TGFB2: variants seen among roughly 807,000 people sequenced by gnomAD.
The protein encoded by TGFB2 is transforming growth factor beta-2 proprotein.
A neutral mutation model predicts 42.7 loss-of-function variants in TGFB2; 13 were observed. The ratio of observed to expected loss-of-function variants is 0.30; its 90% confidence interval spans 0.20 to 0.48. TGFB2 has a LOEUF of 0.48. TGFB2 is among the 20% of genes least tolerant of loss of function. The probability of loss-of-function intolerance (pLI) is 0.99; values close to 1 mark genes in which losing one functional copy is unlikely to be tolerated. For missense variants in TGFB2, 390 were observed against 517.5 expected (o/e 0.75, Z 2.39); for synonymous variants, 193 against 193.6 (o/e 1.00, Z 0.03).
At chr1:218,408,988 T>C (rs1384558491) in intron 2 of TGFB2, among the ~76,000 whole-genome samples, 1 of 152,200 alleles carries the variant, frequency 6.6e-6, no homozygotes, top group Non-Finnish European at 1.5e-5. Context: ...GGAGACAGTG[T>C]CCGATCATCA....
chr1:218,381,246 G>GTTTTTTTTTTTTTTTTTTTTTTTTTTT (rs1254161258), intron 1 of TGFB2, among the ~76,000 whole-genome samples: 1 of 131,044 alleles, frequency 7.6e-6, no homozygotes, highest in African/African-American at 2.7e-5. Context: ...GCACATTTTT[G>GTTTTTTTTTTTTTTTTTTTTTTTTTTT]TTTTTGTTTT....
chr1:218,433,436 A>AC (rs1558261846), intron 2 of TGFB2, among the ~76,000 whole-genome samples: 1 of 152,196 alleles, frequency 6.6e-6, no homozygotes, highest in Admixed American at 6.5e-5. Flanking sequence ...TATGCACCAT[A>AC]CCAAACTACT....
chr1:218,412,353 C>T (rs1303616622), intron 2 of TGFB2, among the ~76,000 whole-genome samples: 1 of 152,194 alleles, frequency 6.6e-6, no homozygotes, highest in Non-Finnish European at 1.5e-5. Flanking sequence ...CATGTAATTC[C>T]AAGGAACTGA....
intron 1 of TGFB2, among the ~76,000 whole-genome samples, chr1:218,391,652 C>A (rs1290471214): frequency 1.3e-5 from 2 of 152,090 alleles, no homozygotes; most frequent in African/African-American, 2.4e-5. Context: ...AATAAGTATA[C>A]CCTGAATAGG....
intron 2 of TGFB2, among the ~76,000 whole-genome samples, chr1:218,431,479 G>T (rs995618227): frequency 6.6e-6 from 1 of 152,142 alleles, no homozygotes; most frequent in African/African-American, 2.4e-5. Context: ...AGTGAAACTG[G>T]ACATATATAT....
At chr1:218,391,555 G>A (rs1658317093) in intron 1 of TGFB2, among the ~76,000 whole-genome samples, 1 of 152,176 alleles carries the variant, frequency 6.6e-6, no homozygotes, top group Non-Finnish European at 1.5e-5. Flanking sequence ...ACTGTGCCCT[G>A]CAGTATCATT....
At chr1:218,381,380 T>C (rs927119482) in intron 1 of TGFB2, among the ~76,000 whole-genome samples, 1 of 151,448 alleles carries the variant, frequency 6.6e-6, no homozygotes, top group Non-Finnish European at 1.5e-5. Flanking sequence ...CTCAGCCTCC[T>C]GAGTAGGTGG....
At chr1:218,384,489 T>C (rs1658065821) in intron 1 of TGFB2, among the ~76,000 whole-genome samples, 1 of 152,264 alleles carries the variant, frequency 6.6e-6, no homozygotes, top group East Asian at 1.9e-4. Flanking sequence ...GTACCACTTA[T>C]TAGCTGTGTG....
At chr1:218,372,076 A>G (rs1048925062) in intron 1 of TGFB2, among the ~76,000 whole-genome samples, 4 of 152,038 alleles carry the variant, frequency 2.6e-5, no homozygotes, top group African/African-American at 9.7e-5. Context: ...CAAGTTCATA[A>G]ATAATTATCT....
Position 218,425,732 on chromosome 1 carries a change from A to G in TGFB2, c.511-8350A>G, listed in dbSNP as rs542051771. On this transcript the variant is annotated intron_variant, in intron 2 of 6. Coordinates refer to ENST00000366930, the MANE Select transcript of TGFB2 (RefSeq NM_003238.6). ...ACAATATGGATTGTCCAAAAGGGGG[A>G]CGACCTTTCTCATTAAATAGTGAGT... 3.9e-5 allele frequency among the ~76,000 whole-genome samples: 6 copies of G among 152,326 alleles called. No homozygotes were observed. In the South Asian group the frequency reaches 1.2e-3, roughly 32 times the overall value.
chr1:218,403,818 G>A (rs1459141230), intron 1 of TGFB2, among the ~76,000 whole-genome samples: 1 of 152,164 alleles, frequency 6.6e-6, no homozygotes, highest in Non-Finnish European at 1.5e-5. Flanking sequence ...GATAATTGAA[G>A]AGTGGGTAGA....
At chr1:218,435,724 C>T (rs981173066) in intron 4 of TGFB2, among the ~76,000 whole-genome samples, 3 of 152,216 alleles carry the variant, frequency 2.0e-5, no homozygotes, top group Non-Finnish European at 2.9e-5. Context: ...TCATAACCAA[C>T]AGCCCTGGCT....
intron 1 of TGFB2, among the ~76,000 whole-genome samples, chr1:218,380,985 T>A (rs534151441): frequency 1.3e-5 from 2 of 152,318 alleles, no homozygotes; most frequent in Non-Finnish European, 2.9e-5. Flanking sequence ...ATGGGAAAAG[T>A]GCAGCTGAGA....
At chr1:218,394,628 CCTCTCGGA>C (rs1255551177) in intron 1 of TGFB2, among the ~76,000 whole-genome samples, 2 of 152,170 alleles carry the variant, frequency 1.3e-5, no homozygotes. Flanking sequence ...ATATCATCCC[CCTCTCGGA>C]GACTCTGTCT....
At chr1:218,407,646 C>A (rs1658957500) in intron 2 of TGFB2, among the ~76,000 whole-genome samples, 1 of 152,178 alleles carries the variant, frequency 6.6e-6, no homozygotes, top group South Asian at 2.1e-4. Context: ...ATTCTTTCTG[C>A]TATTATATTC....
intron 2 of TGFB2, among the ~76,000 whole-genome samples, chr1:218,432,104 G>A (rs1659825778): frequency 6.6e-6 from 1 of 152,304 alleles, no homozygotes; most frequent in South Asian, 2.1e-4. Flanking sequence ...CAGCACTGAA[G>A]TGGGAAAATG....
intron 5 of TGFB2, among the ~76,000 whole-genome samples, chr1:218,437,070 G>A (rs1010037295): frequency 6.6e-6 from 1 of 152,300 alleles, no homozygotes; most frequent in South Asian, 2.1e-4. Flanking sequence ...GAAGGTAAAT[G>A]TATGATTTTC....
intron 1 of TGFB2, among the ~76,000 whole-genome samples, chr1:218,364,865 T>C (rs1657336782): frequency 6.6e-6 from 1 of 152,236 alleles, no homozygotes. Flanking sequence ...AGCTCCCGTT[T>C]GTGAGTCATT....
chr1:218,362,539 G>A (rs1038385955), intron 1 of TGFB2, among the ~76,000 whole-genome samples: 2 of 152,120 alleles, frequency 1.3e-5, no homozygotes, highest in African/African-American at 4.8e-5. Context: ...ACAGAACAGG[G>A]GTTTGAATTA....
Sources: gnomAD v4.1 joint callset for allele counts (sites outside exome capture counted in the v4.1 genomes callset) on GRCh38, gnomAD v4.1.1 for gene constraint, MANE v1.5 for transcripts, NCBI Gene and HGNC (gene_info 2026-07-23, HGNC 2026-07-21) for gene names.